TPRG1: variants seen among roughly 807,000 people sequenced by gnomAD.
TPRG1 encodes tumor protein p63 regulated 1.
Under a neutral mutation model 29.3 loss-of-function variants are expected in TPRG1, and 29 were observed. The ratio of observed to expected loss-of-function variants is 0.99; its 90% CI spans 0.74 to 1.35. The LOEUF (loss-of-function observed/expected upper bound fraction) is 1.35. Among genes scored for constraint, TPRG1 ranks in the 40% most tolerant of loss-of-function variants. The probability of loss-of-function intolerance (pLI) is 0.00; values close to 1 mark genes in which losing one functional copy is unlikely to be tolerated. For missense variants in TPRG1, 327 were observed against 335.0 expected (o/e 0.98, Z 0.19); for synonymous variants, 130 against 116.8 (o/e 1.11, Z -0.73).
chr3:189,208,407 G>C (rs945759746), intron 2 of TPRG1, among the ~76,000 whole-genome samples: 1 of 152,146 alleles, frequency 6.6e-6, no homozygotes, highest in Non-Finnish European at 1.5e-5. Flanking sequence ...TCATGTGTAC[G>C]TGGGAGATCT....
intron 4 of TPRG1, among the ~76,000 whole-genome samples, chr3:189,084,832 G>A (rs1193624942): frequency 6.6e-6 from 1 of 152,162 alleles, no homozygotes; most frequent in Non-Finnish European, 1.5e-5. Context: ...GCTACAAATA[G>A]TTACGCAACA....
intron 1 of TPRG1, among the ~76,000 whole-genome samples, chr3:189,203,378 AT>A (rs971158757): frequency 6.6e-6 from 1 of 151,988 alleles, no homozygotes; most frequent in African/African-American, 2.4e-5. Context: ...CTGCCATTTA[AT>A]TTTTTTAAAA....
chr3:189,102,070 T>A (rs1045709767), intron 1 of TPRG1, among the ~76,000 whole-genome samples: 1 of 152,202 alleles, frequency 6.6e-6, no homozygotes, highest in African/African-American at 2.4e-5. Flanking sequence ...TAAAAGTCTT[T>A]GTGTTGGGGG....
At chr3:189,183,153 C>T (rs1730460624) in intron 1 of TPRG1, among the ~76,000 whole-genome samples, 2 of 152,068 alleles carry the variant, frequency 1.3e-5, no homozygotes, top group African/African-American at 2.4e-5. Context: ...GGACAGAGTA[C>T]AAAAGAGAGA....
intron 1 of TPRG1, among the ~76,000 whole-genome samples, chr3:189,111,436 A>T (rs1375416357): frequency 3.3e-5 from 5 of 152,018 alleles, no homozygotes; most frequent in Non-Finnish European, 5.9e-5. Flanking sequence ...TTTCAACTTT[A>T]TGTTGGGTTT....
intron 3 of TPRG1, among the ~76,000 whole-genome samples, chr3:189,140,513 A>G (rs1724404218): frequency 6.6e-6 from 1 of 152,138 alleles, no homozygotes; most frequent in African/African-American, 2.4e-5. Context: ...CCCTATTCCC[A>G]AATCTGATGC....
chr3:189,221,795 C>T (rs535177068), intron 3 of TPRG1, among the ~76,000 whole-genome samples: 3 of 152,288 alleles, frequency 2.0e-5, no homozygotes, highest in South Asian at 2.1e-4. Flanking sequence ...CAAACAGACC[C>T]ATGGGAGAAG....
chr3:189,291,137 G>A (rs1184191511), intron 4 of TPRG1, among the ~76,000 whole-genome samples: 6 of 151,956 alleles, frequency 3.9e-5, no homozygotes, highest in Non-Finnish European at 5.9e-5. Context: ...TCCTGACCTC[G>A]TGATCCGCCT....
chr3:189,324,272 A>T lies in TPRG1; in HGVS notation c.*3452A>T, dbSNP rs1353116674. 6.6e-6 allele frequency: 1 copy of T among 152,162 alleles called. No individual in the cohort carries two copies. Among genetic ancestry groups the T allele is most frequent in the Non-Finnish European group, 1.5e-5 (1 of 68,030 alleles). The allele number at this position is 152,162 out of a possible 1,614,324, so 9.4% of individuals were successfully genotyped here. ...CTTTTATTTCACAGAAAATGAAGCA[A>T]AGGCCTAGAAACTAGAAAGACATTT... On this transcript the variant is annotated 3_prime_UTR_variant, in exon 6 of 6. Transcript: ENST00000345063.
rs114362584 is a variant in TPRG1 at position 189,219,833 on chromosome 3, T to A, written c.302+4450T>A. ...GTATTTAAAAACCGGTAATTCTTGT[T>A]CTTCATCTTTATAAAAGATACTTAA... is the stretch of plus-strand genomic sequence containing the variant. On this transcript the variant is annotated intron_variant, in intron 3 of 5. Transcript: ENST00000345063. 3,846 of 873,998 alleles carry A rather than the reference T, an allele frequency of 4.4e-3. 11 individuals are homozygous for A. Among genetic ancestry groups the A allele is most frequent in the Non-Finnish European group, 5.0e-3 (3,641 of 728,316 alleles). 54.1% of individuals were successfully genotyped at this position (873,998 alleles called of 1,614,324 possible).
At chr3:189,289,448 G>C (rs1422754662) in intron 4 of TPRG1, among the ~76,000 whole-genome samples, 1 of 147,480 alleles carries the variant, frequency 6.8e-6, no homozygotes, top group Non-Finnish European at 1.5e-5. Context: ...ATGTTTTCCT[G>C]ACTGTGATTC....
chr3:189,165,157 A>G (rs1727991347), intron 5 of TPRG1, among the ~76,000 whole-genome samples: 1 of 152,146 alleles, frequency 6.6e-6, no homozygotes, highest in Non-Finnish European at 1.5e-5. Flanking sequence ...GAGTTTACCT[A>G]GGAACGTTTA....
chr3:189,219,523 A>T (rs1481035623), intron 3 of TPRG1: 1 of 1,174,054 alleles, frequency 8.5e-7, no homozygotes, highest in South Asian at 1.5e-5. Context: ...CTTCTGAAAA[A>T]AAAAAAAAAA....
At chr3:189,316,023 T>A (rs1337243396) in intron 5 of TPRG1, among the ~76,000 whole-genome samples, 1 of 152,184 alleles carries the variant, frequency 6.6e-6, no homozygotes, top group Non-Finnish European at 1.5e-5. Context: ...AGAGGAAACA[T>A]GCTTAAAAGC....
chr3:189,142,275 C>A (rs1364735762), intron 3 of TPRG1, among the ~76,000 whole-genome samples: 1 of 152,080 alleles, frequency 6.6e-6, no homozygotes, highest in East Asian at 1.9e-4. Flanking sequence ...TGGGCCAGGT[C>A]ATAAATGGCT....
At chr3:189,022,798 G>A (rs570552066) in intron 3 of TPRG1, among the ~76,000 whole-genome samples, 3 of 152,130 alleles carry the variant, frequency 2.0e-5, no homozygotes, top group Non-Finnish European at 2.9e-5. Flanking sequence ...TAATCAAGCC[G>A]GGGCAATGGC....
At chr3:189,200,823 A>G (rs1450121) in intron 1 of TPRG1, among the ~76,000 whole-genome samples, 97,078 of 152,088 alleles carry the variant, frequency 0.64, 31,947 homozygotes, top group African/African-American at 0.81. Context: ...TGGATGCTAC[A>G]GTTTGAAAGT....
At chr3:189,148,869 A>C (rs928723988) in intron 4 of TPRG1, among the ~76,000 whole-genome samples, 1 of 152,254 alleles carries the variant, frequency 6.6e-6, no homozygotes, top group African/African-American at 2.4e-5. Context: ...GTGGGGATTC[A>C]GAGCCCGAAG....
In TPRG1 at chr3:189,159,463, T is replaced by C. The variant is rs560558333; in HGVS notation, c.-10+8591T>C. Among the ~76,000 whole-genome samples, 185 of 152,236 alleles carry C rather than the reference T, an allele frequency of 1.2e-3. 1 individual carries two copies. The highest frequency in any genetic ancestry group is 4.1e-3 in the African/African-American group (169 of 41,544). ...TTGAGGCGAAAGTGAGAGATGATTC[T>C]GGAGGAGCAGGTTGGGAAGAGGGAA... On this transcript the variant is annotated intron_variant, in intron 5 of 6. Coordinates refer to the TPRG1 transcript ENST00000412373.
Sources: allele counts gnomAD v4.1 joint callset (sites outside exome capture counted in the v4.1 genomes callset), GRCh38; gene constraint gnomAD v4.1.1; transcripts MANE v1.5; gene names NCBI Gene and HGNC (gene_info 2026-07-23, HGNC 2026-07-21).